The following SRGAP3 variants were observed in gnomAD, a reference collection of about 807,000 sequenced individuals.
SRGAP3 encodes the protein SLIT-ROBO Rho GTPase activating protein 3.
In SRGAP3, 39 loss-of-function variants were observed where a neutral mutation model predicts 121.1. The observed-to-expected ratio is 0.32, with a 90% CI of 0.25 to 0.42. SRGAP3 has a LOEUF of 0.42. Ranked by LOEUF, SRGAP3 falls within the 10% of genes least tolerant of loss-of-function variation. SRGAP3 has a pLI of 1.00. For synonymous variants in SRGAP3, 601 were observed against 570.0 expected (o/e 1.05, Z -0.77); for missense variants, 1,213 against 1,470.6 (o/e 0.82, Z 2.86).
intron 1 of SRGAP3, among the ~76,000 whole-genome samples, chr3:9,138,049 T>G (rs1369396490): frequency 1.3e-5 from 2 of 152,266 alleles, no homozygotes; most frequent in African/African-American, 4.8e-5. Flanking sequence ...AGCTGCGTCC[T>G]CTGACTGATG....
chr3:9,080,183 T>C, intron 3 of SRGAP3, 96 bp from the exon 4 acceptor site: 4 of 1,297,978 alleles, frequency 3.1e-6, no homozygotes, highest in Non-Finnish European at 4.4e-6. Context: ...ATGTTTCGGG[T>C]GGGGTCAGAA....
intron 1 of SRGAP3, among the ~76,000 whole-genome samples, chr3:9,342,678 G>A (rs1955811188): frequency 6.6e-6 from 1 of 152,196 alleles, no homozygotes; most frequent in Non-Finnish European, 1.5e-5. Context: ...CTATGGCACA[G>A]CAAGGAATAA....
intron 3 of SRGAP3, among the ~76,000 whole-genome samples, chr3:9,265,084 T>A (rs1206969456): frequency 1.3e-5 from 2 of 152,120 alleles, no homozygotes; most frequent in African/African-American, 4.8e-5. Context: ...TCTACAACCA[T>A]CTGATCTTTG....
chr3:9,244,381 C>T (rs1953751191), intron 1 of SRGAP3, among the ~76,000 whole-genome samples: 1 of 151,944 alleles, frequency 6.6e-6, no homozygotes, highest in Non-Finnish European at 1.5e-5. Flanking sequence ...TCCTCCATAC[C>T]TGCCCTTCTT....
chr3:9,030,450 C>G (rs1321803330), intron 12 of SRGAP3, among the ~76,000 whole-genome samples: 1 of 152,180 alleles, frequency 6.6e-6, no homozygotes, highest in Non-Finnish European at 1.5e-5. Flanking sequence ...GACAAGGTGT[C>G]CATTTGAATA....
chr3:9,238,294 AT>A (rs543984945), intron 1 of SRGAP3, among the ~76,000 whole-genome samples: 6 of 152,216 alleles, frequency 3.9e-5, no homozygotes, highest in African/African-American at 1.4e-4. Flanking sequence ...TTTTCTCCAA[AT>A]TTTCTTGACC....
intron 14 of SRGAP3, among the ~76,000 whole-genome samples, chr3:9,022,395 G>T (rs1943971377): frequency 6.6e-6 from 1 of 152,190 alleles, no homozygotes; most frequent in African/African-American, 2.4e-5. Flanking sequence ...GGTTTGGAGA[G>T]GAAATTTAGT....
At chr3:9,235,157 G>A (rs1029194166) in intron 1 of SRGAP3, among the ~76,000 whole-genome samples, 2 of 152,294 alleles carry the variant, frequency 1.3e-5, no homozygotes, top group African/African-American at 4.8e-5. Flanking sequence ...AGGAGGTCAC[G>A]CATATTGATG....
chr3:9,202,505 C>T (rs1250925887), intron 1 of SRGAP3, among the ~76,000 whole-genome samples: 1 of 152,246 alleles, frequency 6.6e-6, no homozygotes, highest in Non-Finnish European at 1.5e-5. Flanking sequence ...TGTTCACTAG[C>T]CTGCCCTGCT....
intron 1 of SRGAP3, among the ~76,000 whole-genome samples, chr3:9,216,005 C>A (rs896231982): frequency 9.2e-5 from 14 of 152,186 alleles, no homozygotes; most frequent in Non-Finnish European, 2.1e-4. Flanking sequence ...GATAGACACA[C>A]AGATAGATAG....
intron 3 of SRGAP3, among the ~76,000 whole-genome samples, chr3:9,275,492 C>T (rs1449132311): frequency 6.6e-6 from 1 of 152,030 alleles, no homozygotes; most frequent in East Asian, 1.9e-4. Flanking sequence ...TGGCTGTGTC[C>T]CCACCCAAAT....
At chr3:9,044,695 G>A (rs575149709) in intron 10 of SRGAP3, among the ~76,000 whole-genome samples, 4 of 152,268 alleles carry the variant, frequency 2.6e-5, no homozygotes, top group Admixed American at 6.5e-5. Flanking sequence ...CAGCTGTAAC[G>A]CTACCCTACT....
chr3:9,252,406 C>T (rs566850537), upstream of SRGAP3, among the ~76,000 whole-genome samples: 1 of 152,236 alleles, frequency 6.6e-6, no homozygotes, highest in African/African-American at 2.4e-5. Context: ...TGAGCCACCA[C>T]ACCCAACCAA....
At chr3:9,136,225 C>G (rs1333271960) in intron 1 of SRGAP3, among the ~76,000 whole-genome samples, 1 of 152,246 alleles carries the variant, frequency 6.6e-6, no homozygotes, top group Non-Finnish European at 1.5e-5. Context: ...TGCCCGGACA[C>G]GGGCTCCCCA....
intron 3 of SRGAP3, among the ~76,000 whole-genome samples, chr3:9,082,918 T>C (rs946374683): frequency 1.3e-5 from 2 of 152,178 alleles, no homozygotes; most frequent in African/African-American, 4.8e-5. Context: ...GCCAGACCCC[T>C]TAACAGACAG....
intron 1 of SRGAP3, among the ~76,000 whole-genome samples, chr3:9,360,104 A>AT (rs1381216250): frequency 6.6e-6 from 1 of 151,962 alleles, no homozygotes; most frequent in African/African-American, 2.4e-5. Context: ...TACTTTCTAA[A>AT]TTTTTTGTAG....
intron 3 of SRGAP3, among the ~76,000 whole-genome samples, chr3:9,098,098 C>T (rs1433251028): frequency 6.6e-6 from 1 of 152,114 alleles, no homozygotes; most frequent in African/African-American, 2.4e-5. Context: ...TTACCCAAAC[C>T]TCCCCCTCCC....
chr3:9,118,709 T>C lies in SRGAP3; in HGVS notation c.260+6016A>G, dbSNP rs578025001. On this transcript the variant is annotated intron_variant, in intron 2 of 21. Coordinates refer to ENST00000383836, the MANE Select transcript of SRGAP3 (RefSeq NM_014850.4). ...TTGCCAGGCCCCCCCCCCAAGAAGT[T>C]CTGATCCAGCAGGTCTCAGGAAATA... 1.1e-3 allele frequency among the ~76,000 whole-genome samples: 159 copies of C among 150,090 alleles called. 1 individual carries two copies. Among genetic ancestry groups the C allele is most frequent in the Non-Finnish European group, 1.8e-3 (120 of 67,628 alleles).
chr3:9,020,599 T>G (rs992305801), intron 14 of SRGAP3, among the ~76,000 whole-genome samples: 4 of 152,228 alleles, frequency 2.6e-5, no homozygotes, highest in Admixed American at 6.5e-5. Context: ...TGACTTTACA[T>G]ACGCACACAT....
Sources: gnomAD v4.1 joint callset for allele counts (sites outside exome capture counted in the v4.1 genomes callset) on GRCh38, gnomAD v4.1.1 for gene constraint, MANE v1.5 for transcripts, NCBI Gene and HGNC (gene_info 2026-07-23, HGNC 2026-07-21) for gene names.